The following ARK2C variants were observed in gnomAD, a reference collection of about 807,000 sequenced individuals.
ARK2C encodes the protein arkadia (RNF111) C-terminal like ring finger ubiquitin ligase 2C.
At chr18:46,450,180 T>A in the ARK2C span, 1 of 730,524 alleles carries the variant, frequency 1.4e-6, no homozygotes, top group Non-Finnish European at 2.5e-6. Flanking sequence ...AAGACAATAG[T>A]TCTGCCCACA....
the ARK2C span, among the ~76,000 whole-genome samples, chr18:46,347,129 T>G: frequency 6.6e-6 from 1 of 152,072 alleles, no homozygotes; most frequent in Non-Finnish European, 1.5e-5. Context: ...CTGGAGCTGT[T>G]CCCCGAGGAG....
chr18:46,420,650 G>T, the ARK2C span, among the ~76,000 whole-genome samples: 1 of 152,110 alleles, frequency 6.6e-6, no homozygotes, highest in Non-Finnish European at 1.5e-5. Context: ...TTCGAGACCA[G>T]CCTGGCCAAC....
At chr18:46,337,034 C>T in the ARK2C span, 5 of 985,410 alleles carry the variant, frequency 5.1e-6, no homozygotes, top group Non-Finnish European at 6.0e-6. Context: ...GACATCCGCC[C>T]TGGCCCTCAG....
At chr18:46,357,303 A>G in the ARK2C span, among the ~76,000 whole-genome samples, 1 of 152,188 alleles carries the variant, frequency 6.6e-6, no homozygotes, top group African/African-American at 2.4e-5. Flanking sequence ...TGCTCTAGCC[A>G]CGGCCTAGAC....
At chr18:46,462,605 A>T in the ARK2C span, 5,261 of 152,426 alleles carry the variant, frequency 0.035, 128 homozygotes, top group Non-Finnish European at 0.055. Flanking sequence ...TTCCCTGGAG[A>T]CAAGCCCGTG....
At chr18:46,403,107 GA>G in the ARK2C span, among the ~76,000 whole-genome samples, 2 of 152,224 alleles carry the variant, frequency 1.3e-5, no homozygotes, top group African/African-American at 4.8e-5. Context: ...GGTTTTGCAT[GA>G]AACCTTGGCC....
the ARK2C span, chr18:46,334,715 TGA>T: frequency 0.061 from 7,469 of 123,174 alleles, 114 homozygotes; most frequent in East Asian, 0.14. The surrounding 1 kb of genome is among the most constrained non-coding windows in gnomAD (Gnocchi z 4.4). Context: ...TGTGTGTGTG[TGA>T]GAGAGAGAGA....
the ARK2C span, among the ~76,000 whole-genome samples, chr18:46,358,925 C>T: frequency 0.026 from 3,927 of 152,266 alleles, 107 homozygotes; most frequent in African/African-American, 0.075. Context: ...GTCACACCCC[C>T]GGACTCTTGT....
the ARK2C span, among the ~76,000 whole-genome samples, chr18:46,385,384 G>A: frequency 4.6e-5 from 7 of 152,154 alleles, no homozygotes; most frequent in East Asian, 9.6e-4. Flanking sequence ...GCCTGTGCAT[G>A]TGTGTGTGAG....
At chr18:46,334,196 G>C in the ARK2C span, 1 of 925,124 alleles carries the variant, frequency 1.1e-6, no homozygotes, top group East Asian at 1.2e-4. This position sits in a 1 kb window ranked among gnomAD's most constrained non-coding sequence, Gnocchi z 4.4. Context: ...CCCCGCCGCC[G>C]CCCGCGCCCG....
At chr18:46,389,535 C>A in the ARK2C span, among the ~76,000 whole-genome samples, 1 of 152,168 alleles carries the variant, frequency 6.6e-6, no homozygotes, top group African/African-American at 2.4e-5. Context: ...TCTCCCACCC[C>A]GGTCTAGAGT....
the ARK2C span, among the ~76,000 whole-genome samples, chr18:46,345,368 G>T: frequency 6.9e-6 from 1 of 144,778 alleles, no homozygotes; most frequent in East Asian, 2.1e-4. Flanking sequence ...AAGGCCAGAT[G>T]ACAACCTGAG....
the ARK2C span, among the ~76,000 whole-genome samples, chr18:46,373,945 G>A: frequency 2.6e-5 from 4 of 151,670 alleles, no homozygotes; most frequent in African/African-American, 9.7e-5. Flanking sequence ...CAGTTGCTCC[G>A]ACAAAGGGGC....
At chr18:46,400,092 C>T in the ARK2C span, among the ~76,000 whole-genome samples, 4 of 152,176 alleles carry the variant, frequency 2.6e-5, no homozygotes, top group African/African-American at 9.7e-5. Flanking sequence ...TACCTCTTAC[C>T]CATCGCTTGG....
chr18:46,394,077 C>G, the ARK2C span, among the ~76,000 whole-genome samples: 1 of 152,184 alleles, frequency 6.6e-6, no homozygotes, highest in Non-Finnish European at 1.5e-5. Flanking sequence ...TACCGGAAAT[C>G]CTGCCACACA....
At chr18:46,342,276 G>T in the ARK2C span, among the ~76,000 whole-genome samples, 1 of 152,196 alleles carries the variant, frequency 6.6e-6, no homozygotes, top group African/African-American at 2.4e-5. Context: ...GCCTGCCATG[G>T]CCTGCATACG....
the ARK2C span, chr18:46,456,534 G>T: frequency 1.9e-6 from 3 of 1,613,622 alleles, no homozygotes; most frequent in Non-Finnish European, 2.5e-6. Flanking sequence ...TACCCTGTAT[G>T]CATCTCTTTC....
chr18:46,444,864 C>T, the ARK2C span, among the ~76,000 whole-genome samples: 1 of 152,188 alleles, frequency 6.6e-6, no homozygotes, highest in Admixed American at 6.5e-5. Flanking sequence ...CAGTGAATTT[C>T]CTATTTCAGA....
At chr18:46,397,884 A>G in the ARK2C span, among the ~76,000 whole-genome samples, 2 of 117,668 alleles carry the variant, frequency 1.7e-5, no homozygotes, top group Non-Finnish European at 3.4e-5. Flanking sequence ...GTGTGTGATC[A>G]TGCTGAGGTG....
Sources: gnomAD v4.1 joint callset for allele counts (sites outside exome capture counted in the v4.1 genomes callset) on GRCh38, gnomAD v4.1.1 for gene constraint, Gnocchi (gnomAD v3.1) non-coding constraint, MANE v1.5 for transcripts, NCBI Gene and HGNC (gene_info 2026-07-23, HGNC 2026-07-21) for gene names.